The following STARD13 variants were observed in gnomAD, a reference collection of about 807,000 sequenced individuals.
The protein encoded by STARD13 is StAR related lipid transfer domain containing 13.
Under a neutral mutation model 106.4 loss-of-function variants are expected in STARD13, and 62 were observed. The ratio of observed to expected loss-of-function variants is 0.58; its 90% confidence interval spans 0.48 to 0.72. The LOEUF (loss-of-function observed/expected upper bound fraction) is 0.72, where lower values mean the gene tolerates loss of function less well. Ranked by LOEUF, STARD13 falls within the 30% of genes least tolerant of loss-of-function variation. The probability of loss-of-function intolerance (pLI) is 0.00; values close to 1 mark genes in which losing one functional copy is unlikely to be tolerated. For synonymous variants in STARD13, 565 were observed against 553.0 expected (o/e 1.02, Z -0.31); for missense variants, 1,387 against 1,424.0 (o/e 0.97, Z 0.42).
chr13:33,667,491 T>C, the STARD13 span, among the ~76,000 whole-genome samples: 15 of 152,356 alleles, frequency 9.8e-5, 1 homozygote, highest in African/African-American at 3.6e-4. Flanking sequence ...GATGCACATG[T>C]AGGCAATTAA....
At chr13:33,525,853 G>A in the STARD13 span, among the ~76,000 whole-genome samples, 1 of 152,090 alleles carries the variant, frequency 6.6e-6, no homozygotes, top group Non-Finnish European at 1.5e-5. Context: ...ATCTAGCACT[G>A]CCAAATACTA....
intron 1 of STARD13, among the ~76,000 whole-genome samples, chr13:33,200,475 C>T (rs373332958): frequency 1.3e-5 from 2 of 152,230 alleles, no homozygotes; most frequent in African/African-American, 2.4e-5. Context: ...CACTTAAGTT[C>T]CCTGTAGTGA....
the STARD13 span, among the ~76,000 whole-genome samples, chr13:33,498,401 T>C: frequency 6.6e-6 from 1 of 152,320 alleles, no homozygotes; most frequent in African/African-American, 2.4e-5. Context: ...AGAGCCTCTT[T>C]ATTTCAGAAT....
chr13:33,558,559 A>AAGGGAAAGG, the STARD13 span, among the ~76,000 whole-genome samples: 245 of 152,302 alleles, frequency 1.6e-3, 1 homozygote, highest in African/African-American at 4.4e-3. Context: ...GAAGGGAAAG[A>AAGGGAAAGG]AAGAAGGATA....
In STARD13 at chr13:33,106,903, A is replaced by T; in HGVS notation, c.3079T>A (p.Cys1027Ser). 2.5e-6 allele frequency: 4 copies of T among 1,614,016 alleles called. No homozygotes were observed. Among genetic ancestry groups the T allele is most frequent in the Non-Finnish European group, 3.4e-6 (4 of 1,179,932 alleles). Residue 1027 changes from cysteine to serine, a missense_variant, in exon 13 of 14, where the codon TGT becomes AGT. Transcript: ENST00000336934. ...TCCACGGAGAGGGACACCAGGGTAC[A>T]CATTCCTTTGGGCAAATCAGTTTTC... is the stretch of plus-strand genomic sequence containing the variant. The part of the protein sequence containing the change: ...TWKTDLPKGM[C>S]TLVSLSVEHE...
intron 1 of STARD13, among the ~76,000 whole-genome samples, chr13:33,239,021 C>G (rs923838441): frequency 6.6e-6 from 1 of 151,864 alleles, no homozygotes; most frequent in Non-Finnish European, 1.5e-5. Context: ...TAAGCAACAA[C>G]CTCCCCATTT....
chr13:33,525,695 G>A, the STARD13 span, among the ~76,000 whole-genome samples: 1 of 151,998 alleles, frequency 6.6e-6, no homozygotes, highest in Non-Finnish European at 1.5e-5. Flanking sequence ...GTTCTGTCTT[G>A]GCATATTCCG....
At chr13:33,241,195 C>G (rs1889472339) in intron 1 of STARD13, among the ~76,000 whole-genome samples, 1 of 152,150 alleles carries the variant, frequency 6.6e-6, no homozygotes, top group Admixed American at 6.5e-5. Context: ...TTTCTACAAT[C>G]TATTAAGTGT....
chr13:33,208,661 C>T lies in STARD13; in HGVS notation c.170-41039G>A, dbSNP rs144009165. On this transcript the variant is annotated intron_variant, in intron 1 of 13. Coordinates refer to ENST00000336934, the MANE Select transcript of STARD13 (RefSeq NM_178006.4). ...TCTAAAGGGAAGCGTAGGCAGATGG[C>T]TCCACTCAGGAGGCTATGGCAATTA... 1.3e-3 allele frequency among the ~76,000 whole-genome samples: 203 copies of T among 152,198 alleles called. 3 individuals are homozygous for T. Among genetic ancestry groups the T allele is most frequent in the African/African-American group, 4.8e-3 (198 of 41,528 alleles).
intron 3 of STARD13, among the ~76,000 whole-genome samples, chr13:33,148,446 A>G (rs1317329427): frequency 6.6e-6 from 1 of 152,234 alleles, no homozygotes; most frequent in East Asian, 1.9e-4. Flanking sequence ...ACTAAAGGAG[A>G]TGAATATATG....
At chr13:33,153,631 A>G (rs1180609928) in intron 3 of STARD13, among the ~76,000 whole-genome samples, 2 of 152,214 alleles carry the variant, frequency 1.3e-5, no homozygotes, top group African/African-American at 4.8e-5. Flanking sequence ...TAGGAAAACA[A>G]TAGGACTCTC....
At chr13:33,635,635 C>T in the STARD13 span, among the ~76,000 whole-genome samples, 1 of 149,310 alleles carries the variant, frequency 6.7e-6, no homozygotes. Context: ...ACCACTCCAG[C>T]CTGGGCGAGA....
the STARD13 span, among the ~76,000 whole-genome samples, chr13:33,653,121 A>G: frequency 6.6e-6 from 1 of 152,190 alleles, no homozygotes; most frequent in African/African-American, 2.4e-5. Context: ...ATAGAGATTC[A>G]ATGTAATCTC....
chr13:33,298,582 A>G (rs1201743435), intron 1 of STARD13, among the ~76,000 whole-genome samples: 9 of 151,854 alleles, frequency 5.9e-5, no homozygotes, highest in Admixed American at 5.9e-4. Context: ...CTCTCTTTCC[A>G]TATCTTAAAA....
the STARD13 span, among the ~76,000 whole-genome samples, chr13:33,487,490 G>A: frequency 6.6e-6 from 1 of 152,076 alleles, no homozygotes; most frequent in Non-Finnish European, 1.5e-5. Flanking sequence ...AAAGAAAGGG[G>A]GAAAGTTCAG....
chr13:33,212,404 C>T (rs1490213450), intron 1 of STARD13, among the ~76,000 whole-genome samples: 1 of 152,222 alleles, frequency 6.6e-6, no homozygotes, highest in Non-Finnish European at 1.5e-5. Flanking sequence ...AATAAAGCCA[C>T]TTTCTACTGT....
chr13:33,153,897 G>A (rs975912664), intron 3 of STARD13, among the ~76,000 whole-genome samples: 1 of 152,178 alleles, frequency 6.6e-6, no homozygotes, highest in Non-Finnish European at 1.5e-5. Flanking sequence ...GGAGTGTTCC[G>A]GGTGGGGCCC....
the STARD13 span, among the ~76,000 whole-genome samples, chr13:33,537,278 G>A: frequency 6.6e-6 from 1 of 152,264 alleles, no homozygotes; most frequent in Admixed American, 6.5e-5. Context: ...ACTAAGTGAT[G>A]AGCAGAAATC....
At chr13:33,310,290 T>G (rs898951633) in intron 1 of STARD13, among the ~76,000 whole-genome samples, 1 of 152,152 alleles carries the variant, frequency 6.6e-6, no homozygotes, top group Non-Finnish European at 1.5e-5. Context: ...AAAGAAATAA[T>G]TAGGGGATTG....
Sources: gnomAD v4.1 joint callset for allele counts (sites outside exome capture counted in the v4.1 genomes callset) on GRCh38, gnomAD v4.1.1 for gene constraint, MANE v1.5 for transcripts, NCBI Gene and HGNC (gene_info 2026-07-23, HGNC 2026-07-21) for gene names.